ENTREP2: variants seen among roughly 807,000 people sequenced by gnomAD.
ENTREP2 encodes the protein protein ENTREP2.
chr15:29,315,985 G>A, the ENTREP2 span, among the ~76,000 whole-genome samples: 1 of 127,314 alleles, frequency 7.9e-6, no homozygotes, highest in South Asian at 2.9e-4. Context: ...AAATCTAAGA[G>A]TAGTTACTAT....
chr15:29,450,437 T>C, the ENTREP2 span, among the ~76,000 whole-genome samples: 2 of 152,204 alleles, frequency 1.3e-5, no homozygotes, highest in Non-Finnish European at 2.9e-5. Flanking sequence ...AGTTTCAGTC[T>C]TCTGCCTATG....
chr15:29,549,848 G>A, the ENTREP2 span, among the ~76,000 whole-genome samples: 1 of 152,138 alleles, frequency 6.6e-6, no homozygotes, highest in Non-Finnish European at 1.5e-5. Flanking sequence ...CCCTCTCTCA[G>A]GCTGACTGAA....
At chr15:29,648,783 CA>C in the ENTREP2 span, among the ~76,000 whole-genome samples, 1 of 151,890 alleles carries the variant, frequency 6.6e-6, no homozygotes, top group Non-Finnish European at 1.5e-5. Context: ...ACTAAAAATA[CA>C]AAAAATTATC....
the ENTREP2 span, among the ~76,000 whole-genome samples, chr15:29,490,208 G>C: frequency 4.6e-5 from 7 of 152,150 alleles, no homozygotes; most frequent in African/African-American, 1.7e-4. Flanking sequence ...GTTCCTTGTG[G>C]TGTTCGGACA....
At chr15:29,163,263 AC>A in the ENTREP2 span, among the ~76,000 whole-genome samples, 3 of 151,996 alleles carry the variant, frequency 2.0e-5, no homozygotes, top group African/African-American at 4.8e-5. Context: ...CTTGAACAGC[AC>A]CCCCCAAAAT....
chr15:29,262,601 A>G, the ENTREP2 span, among the ~76,000 whole-genome samples: 1 of 152,238 alleles, frequency 6.6e-6, no homozygotes. Context: ...TGGAAGCTCC[A>G]CACACCTTCC....
chr15:29,130,002 G>T, the ENTREP2 span, among the ~76,000 whole-genome samples: 3 of 152,178 alleles, frequency 2.0e-5, no homozygotes, highest in African/African-American at 4.8e-5. Context: ...TCCAGCTCAG[G>T]TAATTACATT....
the ENTREP2 span, chr15:29,614,094 C>T: frequency 6.5e-6 from 1 of 153,126 alleles, no homozygotes; most frequent in Non-Finnish European, 1.5e-5. Flanking sequence ...CACAAGATGG[C>T]GGTCACGTTC....
the ENTREP2 span, among the ~76,000 whole-genome samples, chr15:29,250,612 A>T: frequency 1.3e-5 from 2 of 152,152 alleles, no homozygotes. Flanking sequence ...ACCTCCAGAC[A>T]CTGAGTTTCC....
chr15:29,215,103 T>C, the ENTREP2 span, among the ~76,000 whole-genome samples: 1 of 152,218 alleles, frequency 6.6e-6, no homozygotes, highest in Non-Finnish European at 1.5e-5. Flanking sequence ...GTAATTGTTT[T>C]ATGAATTTTG....
At chr15:29,653,693 G>C in the ENTREP2 span, among the ~76,000 whole-genome samples, 1 of 152,198 alleles carries the variant, frequency 6.6e-6, no homozygotes, top group African/African-American at 2.4e-5. Context: ...GCTGAACTGT[G>C]AGTCAATTAA....
chr15:29,148,152 T>C, the ENTREP2 span, among the ~76,000 whole-genome samples: 1 of 152,112 alleles, frequency 6.6e-6, no homozygotes, highest in Non-Finnish European at 1.5e-5. Context: ...GGGAAGGAAA[T>C]AGGGTGACTG....
chr15:29,520,902 A>G, the ENTREP2 span, among the ~76,000 whole-genome samples: 1 of 152,244 alleles, frequency 6.6e-6, no homozygotes, highest in African/African-American at 2.4e-5. Context: ...AAACTACTGT[A>G]GAGAAAGATT....
At chr15:29,185,230 C>T in the ENTREP2 span, among the ~76,000 whole-genome samples, 1 of 152,074 alleles carries the variant, frequency 6.6e-6, no homozygotes, top group Admixed American at 6.5e-5. Context: ...TTGTGCTCCA[C>T]TCCCCTGTGA....
At chr15:29,126,038 C>G in the ENTREP2 span, among the ~76,000 whole-genome samples, 2 of 152,150 alleles carry the variant, frequency 1.3e-5, no homozygotes, top group South Asian at 2.1e-4. Flanking sequence ...CCCCGGGCCC[C>G]TTGAATCCTT....
chr15:29,558,609 A>G, the ENTREP2 span, among the ~76,000 whole-genome samples: 1 of 23,018 alleles, frequency 4.3e-5, no homozygotes, highest in African/African-American at 1.7e-4. Context: ...TTTGAATTGT[A>G]TAGGTGCATT....
At chr15:29,379,106 A>AAGTGCCTGTCCAGAGAGGC in the ENTREP2 span, among the ~76,000 whole-genome samples, 2 of 152,340 alleles carry the variant, frequency 1.3e-5, no homozygotes, top group South Asian at 2.1e-4. Flanking sequence ...TGCCTCTGGG[A>AAGTGCCTGTCCAGAGAGGC]AGTGCCTGTC....
chr15:29,557,371 C>T, the ENTREP2 span, among the ~76,000 whole-genome samples: 1 of 152,228 alleles, frequency 6.6e-6, no homozygotes, highest in Non-Finnish European at 1.5e-5. Flanking sequence ...CAGATGCCAG[C>T]TGCTCCACCT....
At chr15:29,240,154 G>A in the ENTREP2 span, among the ~76,000 whole-genome samples, 1 of 152,108 alleles carries the variant, frequency 6.6e-6, no homozygotes, top group Non-Finnish European at 1.5e-5. Context: ...CCTGAGGTCG[G>A]GAGTTCGAGA....
Sources: gnomAD v4.1 joint callset for allele counts (sites outside exome capture counted in the v4.1 genomes callset) on GRCh38, gnomAD v4.1.1 for gene constraint, MANE v1.5 for transcripts, NCBI Gene and HGNC (gene_info 2026-07-23, HGNC 2026-07-21) for gene names.